The following PAX5 variants were observed in gnomAD, a reference collection of about 807,000 sequenced individuals.
PAX5 encodes paired box 5, also known as paired box protein Pax-5.
Under a neutral mutation model 43.7 loss-of-function variants are expected in PAX5, and 9 were observed. The ratio of observed to expected loss-of-function variants is 0.21; its 90% confidence interval spans 0.12 to 0.36. PAX5 has a LOEUF of 0.36. Among genes scored for constraint, PAX5 ranks in the 10% least tolerant of loss-of-function variants. The pLI, the probability that PAX5 is intolerant of heterozygous loss-of-function variation, is 1.00. For synonymous variants in PAX5, 228 were observed against 214.3 expected, an observed-to-expected ratio of 1.06 and a Z score of -0.56; for missense variants, 383 against 532.7, an observed-to-expected ratio of 0.72 and a Z score of 2.77.
intron 1 of PAX5, among the ~76,000 whole-genome samples, chr9:37,021,992 A>T (rs1839897431): frequency 1.3e-5 from 2 of 152,040 alleles, no homozygotes; most frequent in African/African-American, 4.8e-5. Context: ...TGAAATAGCC[A>T]CCTCATCTCA....
At chr9:36,942,754 A>T (rs995491775) in intron 6 of PAX5, among the ~76,000 whole-genome samples, 1 of 152,246 alleles carries the variant, frequency 6.6e-6, no homozygotes, top group Admixed American at 6.5e-5. Flanking sequence ...AACCTAGGTT[A>T]TGTAGCTACA....
intron 5 of PAX5, among the ~76,000 whole-genome samples, chr9:36,973,306 C>A (rs374818377): frequency 2.8e-4 from 42 of 152,244 alleles, no homozygotes; most frequent in African/African-American, 1.0e-3. Context: ...TAACCACAGG[C>A]CTCTGGCACT....
intron 5 of PAX5, among the ~76,000 whole-genome samples, chr9:36,968,383 A>G (rs1260894863): frequency 6.6e-6 from 1 of 152,158 alleles, no homozygotes; most frequent in Non-Finnish European, 1.5e-5. Context: ...AACTGTACTT[A>G]TCTGGGGACA....
chr9:37,022,369 C>A (rs1839923361), intron 1 of PAX5, among the ~76,000 whole-genome samples: 1 of 152,216 alleles, frequency 6.6e-6, no homozygotes, highest in Admixed American at 6.5e-5. Flanking sequence ...GCCACCCTGG[C>A]CAAGAGCCTT....
intron 2 of PAX5, among the ~76,000 whole-genome samples, chr9:37,016,235 G>A (rs1839373192): frequency 6.6e-6 from 1 of 152,136 alleles, no homozygotes; most frequent in South Asian, 2.1e-4. Flanking sequence ...CCAAGCCCTA[G>A]CACAATCTCC....
intron 1 of PAX5, among the ~76,000 whole-genome samples, chr9:37,031,517 T>C (rs1840981204): frequency 6.6e-6 from 1 of 152,148 alleles, no homozygotes; most frequent in African/African-American, 2.4e-5. Context: ...AAGGAGAGAC[T>C]ACTACTTGTC....
At chr9:36,963,483 C>T (rs573569209) in intron 6 of PAX5, among the ~76,000 whole-genome samples, 7 of 152,346 alleles carry the variant, frequency 4.6e-5, no homozygotes, top group Admixed American at 3.9e-4. Flanking sequence ...TGAACAGTCT[C>T]TCTTGTCCTG....
At chr9:36,922,068 C>T (rs1176683259) in intron 7 of PAX5, among the ~76,000 whole-genome samples, 2 of 152,200 alleles carry the variant, frequency 1.3e-5, no homozygotes, top group African/African-American at 2.4e-5. Flanking sequence ...CAAAGTTGCT[C>T]TTGCCACCTG....
rs186103269 is a variant in PAX5, at chr9:36,835,682, C to G, written c.*4878G>C. The G allele has an allele frequency of 4.3e-6, 1 of 233,314 alleles. No individual in the cohort carries two copies. Among genetic ancestry groups the G allele is most frequent in the East Asian group, 6.0e-5 (1 of 16,584 alleles). The allele number at this position is 233,314 out of a possible 1,614,324, so 14.5% of individuals were successfully genotyped here. On this transcript the variant is annotated 3_prime_UTR_variant, in exon 10 of 10. Transcript: ENST00000358127. ...AGAAATGTACTTGCCTCGGACCTCT[C>G]CGAGGCCAAAAGAACGAAAGAAATA...
At chr9:36,970,139 C>T (rs190650061) in intron 5 of PAX5, among the ~76,000 whole-genome samples, 11 of 152,286 alleles carry the variant, frequency 7.2e-5, no homozygotes, top group African/African-American at 1.2e-4. Context: ...TTACAAACAA[C>T]GGTGACTGAT....
At chr9:37,013,668 G>A (rs749988505) in intron 3 of PAX5, among the ~76,000 whole-genome samples, 4 of 152,124 alleles carry the variant, frequency 2.6e-5, no homozygotes, top group Non-Finnish European at 4.4e-5. Context: ...ATTTTGTCCA[G>A]GTGCATCAGG....
Position 37,002,674 on chromosome 9 carries a change from T to C in PAX5, c.578A>G (p.Asp193Gly), listed in dbSNP as rs570985047. ...GILGITSPSA[D>G]TNKRKRDEGI... is the part of the protein sequence containing the mutation. ...TTCGTCTCTCTTGCGCTTGTTGGTG[T>C]CGGCGCTGGGGGACGTGATGCCCAG... Residue 193 changes from aspartate to glycine, a missense_variant, in exon 5 of 10, where the codon GAC becomes GGC. By Grantham distance (94) the Asp-to-Gly change is moderately conservative (BLOSUM62 -1). Coordinates refer to ENST00000358127, the MANE Select transcript of PAX5 (RefSeq NM_016734.3). The C allele has an allele frequency of 6.2e-7, 1 of 1,611,800 alleles. No homozygotes were observed. Among genetic ancestry groups the C allele is most frequent in the Non-Finnish European group, 8.5e-7 (1 of 1,179,270 alleles).
chr9:37,020,558 T>C (rs1242585280), intron 2 of PAX5, 78 bp downstream of exon 2: 5 of 1,402,504 alleles, frequency 3.6e-6, no homozygotes, highest in African/African-American at 2.8e-5. Context: ...TATGATACTG[T>C]CATATTGGAC....
chr9:37,002,853 G>T, intron 4 of PAX5, 77 bp from the exon 5 acceptor site: 6 of 1,506,858 alleles, frequency 4.0e-6, no homozygotes, highest in Non-Finnish European at 5.4e-6. Context: ...ACGTGAGGCT[G>T]GGGGCGGCTG....
intron 7 of PAX5, among the ~76,000 whole-genome samples, chr9:36,916,602 G>A (rs1563963854): frequency 6.6e-6 from 1 of 151,854 alleles, no homozygotes; most frequent in East Asian, 1.9e-4. Flanking sequence ...GACCCTTAAG[G>A]GAGTTTTAAA....
chr9:36,892,465 C>G (rs1827486130), intron 7 of PAX5, among the ~76,000 whole-genome samples: 1 of 152,202 alleles, frequency 6.6e-6, no homozygotes, highest in Admixed American at 6.5e-5. Context: ...CGCAGCCACT[C>G]CAGGAGATAT....
intron 7 of PAX5, among the ~76,000 whole-genome samples, chr9:36,922,379 C>T (rs927313036): frequency 1.2e-4 from 19 of 152,200 alleles, no homozygotes; most frequent in African/African-American, 3.9e-4. Context: ...AAGTGTGGCC[C>T]GCCAGCCCCT....
At chr9:36,935,304 C>T (rs1831456884) in intron 6 of PAX5, among the ~76,000 whole-genome samples, 3 of 152,078 alleles carry the variant, frequency 2.0e-5, no homozygotes, top group South Asian at 4.1e-4. Context: ...TGCTTGAACC[C>T]GGGGGGCGGA....
chr9:36,891,405 G>A (rs73453264), intron 7 of PAX5, among the ~76,000 whole-genome samples: 9,258 of 152,300 alleles, frequency 0.061, 289 homozygotes, highest in Middle Eastern at 0.078. Context: ...ACGTCGGTGC[G>A]TGTGTACACG....
Sources: allele counts gnomAD v4.1 joint callset (sites outside exome capture counted in the v4.1 genomes callset), GRCh38; gene constraint gnomAD v4.1.1; transcripts MANE v1.5; gene names NCBI Gene and HGNC (gene_info 2026-07-23, HGNC 2026-07-21).